The following LYPLAL1 variants were observed in gnomAD, a reference collection of about 807,000 sequenced individuals.
LYPLAL1 encodes lysophospholipase like 1.
Under a neutral mutation model 19.7 loss-of-function variants are expected in LYPLAL1, and 23 were observed. The ratio of observed to expected loss-of-function variants is 1.17; its 90% CI spans 0.84 to 1.65. The LOEUF is 1.65. LYPLAL1 is among the 40% of genes most tolerant of loss of function. The pLI is 0.00. For missense variants in LYPLAL1, 355 were observed against 279.4 expected, an observed-to-expected ratio of 1.27 and a Z score of -1.93; for synonymous variants, 119 against 96.3, an observed-to-expected ratio of 1.24 and a Z score of -1.38.
intron 3 of LYPLAL1, chr1:219,200,087 A>G (rs749759110): frequency 8.7e-6 from 2 of 229,722 alleles, no homozygotes; most frequent in Non-Finnish European, 1.8e-5. Flanking sequence ...ACAATGTAAC[A>G]TGGTGCCAAC....
the LYPLAL1 span, among the ~76,000 whole-genome samples, chr1:219,346,220 T>G: frequency 6.6e-6 from 1 of 152,098 alleles, no homozygotes; most frequent in Non-Finnish European, 1.5e-5. Flanking sequence ...AATTGAAAGT[T>G]TATACAGCAA....
At chr1:219,270,554 G>A in the LYPLAL1 span, among the ~76,000 whole-genome samples, 4 of 152,148 alleles carry the variant, frequency 2.6e-5, no homozygotes, top group Admixed American at 1.3e-4. Flanking sequence ...TTCTCTACAC[G>A]GCTGGCGCCA....
intron 4 of LYPLAL1, among the ~76,000 whole-genome samples, chr1:219,211,144 T>C (rs1659002964): frequency 6.6e-6 from 1 of 152,130 alleles, no homozygotes; most frequent in African/African-American, 2.4e-5. Flanking sequence ...AATTGTCCCC[T>C]TGATTGTGCC....
chr1:219,267,392 C>A, the LYPLAL1 span, among the ~76,000 whole-genome samples: 1 of 152,194 alleles, frequency 6.6e-6, no homozygotes, highest in African/African-American at 2.4e-5. Context: ...CTTTAGCCAA[C>A]CCCTATCTAC....
At chr1:219,273,291 C>G in the LYPLAL1 span, 4 of 152,190 alleles carry the variant, frequency 2.6e-5, no homozygotes, top group Admixed American at 2.6e-4. Flanking sequence ...AATCAACATA[C>G]AATCTTTCTT....
intron 3 of LYPLAL1, among the ~76,000 whole-genome samples, chr1:219,206,768 C>T (rs1051444917): frequency 6.6e-6 from 1 of 150,770 alleles, no homozygotes; most frequent in Admixed American, 6.6e-5. Context: ...TCTGAAACTA[C>T]ATAAAGTGAT....
At chr1:219,407,510 T>C in the LYPLAL1 span, among the ~76,000 whole-genome samples, 1 of 152,198 alleles carries the variant, frequency 6.6e-6, no homozygotes, top group Non-Finnish European at 1.5e-5. Flanking sequence ...ATAGTAAACA[T>C]GAAATGTAAT....
the LYPLAL1 span, among the ~76,000 whole-genome samples, chr1:219,386,988 A>C: frequency 6.6e-6 from 1 of 152,174 alleles, no homozygotes; most frequent in African/African-American, 2.4e-5. Context: ...TATTTTAACA[A>C]TGCAGACCTG....
At chr1:219,221,310 CAG>C in the LYPLAL1 span, among the ~76,000 whole-genome samples, 173 of 152,264 alleles carry the variant, frequency 1.1e-3, 1 homozygote, top group African/African-American at 3.3e-3. Context: ...CTCTATGAAT[CAG>C]GGGCTCCACT....
chr1:219,225,652 C>T, the LYPLAL1 span, among the ~76,000 whole-genome samples: 2 of 152,160 alleles, frequency 1.3e-5, no homozygotes, highest in Middle Eastern at 6.3e-3. Context: ...ATTTATTTCC[C>T]ATGTGCCCTG....
At chr1:219,281,262 T>C in the LYPLAL1 span, among the ~76,000 whole-genome samples, 1 of 152,010 alleles carries the variant, frequency 6.6e-6, no homozygotes, top group Non-Finnish European at 1.5e-5. Flanking sequence ...ATTAATATCT[T>C]CCCTGTCTAC....
At chr1:219,425,491 C>A in the LYPLAL1 span, among the ~76,000 whole-genome samples, 30 of 152,290 alleles carry the variant, frequency 2.0e-4, no homozygotes, top group Middle Eastern at 6.8e-3. Flanking sequence ...AGTTTAAAAT[C>A]ATATATTTTT....
At chr1:219,262,375 G>T in the LYPLAL1 span, among the ~76,000 whole-genome samples, 4 of 151,844 alleles carry the variant, frequency 2.6e-5, no homozygotes, top group Non-Finnish European at 4.4e-5. Context: ...TCTTGGTTTG[G>T]ATCCATTAAT....
the LYPLAL1 span, among the ~76,000 whole-genome samples, chr1:219,443,486 T>G: frequency 0.02 from 3,017 of 152,292 alleles, 87 homozygotes; most frequent in African/African-American, 0.068. Flanking sequence ...TATATTTTAT[T>G]TCATCTCATT....
At chr1:219,236,393 A>AT in the LYPLAL1 span, among the ~76,000 whole-genome samples, 1 of 152,252 alleles carries the variant, frequency 6.6e-6, no homozygotes, top group Non-Finnish European at 1.5e-5. Flanking sequence ...TGATACCTCC[A>AT]TTTTGTATAA....
chr1:219,234,809 T>G, the LYPLAL1 span, among the ~76,000 whole-genome samples: 1 of 152,172 alleles, frequency 6.6e-6, no homozygotes, highest in Non-Finnish European at 1.5e-5. Context: ...TCATGTTCAC[T>G]CAATCGAGTG....
At chr1:219,269,452 T>C in the LYPLAL1 span, among the ~76,000 whole-genome samples, 5 of 151,756 alleles carry the variant, frequency 3.3e-5, no homozygotes, top group Admixed American at 3.3e-4. Context: ...ATGTACAACA[T>C]AGCAGAATAA....
chr1:219,395,627 T>C, the LYPLAL1 span, among the ~76,000 whole-genome samples: 2 of 152,222 alleles, frequency 1.3e-5, no homozygotes, highest in African/African-American at 4.8e-5. Context: ...TTTAATTTGG[T>C]CCTATTTGTC....
chr1:219,284,457 C>T, the LYPLAL1 span, among the ~76,000 whole-genome samples: 1 of 152,126 alleles, frequency 6.6e-6, no homozygotes, highest in Non-Finnish European at 1.5e-5. Flanking sequence ...TTACACATTA[C>T]ATGCCTGTAT....
Sources: gnomAD v4.1 joint callset for allele counts (sites outside exome capture counted in the v4.1 genomes callset) on GRCh38, gnomAD v4.1.1 for gene constraint, MANE v1.5 for transcripts, NCBI Gene and HGNC (gene_info 2026-07-23, HGNC 2026-07-21) for gene names.